SUGCT: variants seen among roughly 807,000 people sequenced by gnomAD.
The protein encoded by SUGCT is succinyl-CoA:glutarate CoA-transferase.
Under a neutral mutation model 55.0 loss-of-function variants are expected in SUGCT, and 41 were observed. The ratio of observed to expected loss-of-function variants is 0.74; its 90% CI spans 0.58 to 0.97. The LOEUF (loss-of-function observed/expected upper bound fraction) is 0.97. Among genes scored for constraint, SUGCT ranks in the 50% least tolerant of loss-of-function variants. The pLI is 0.00. For missense variants in SUGCT, 568 were observed against 547.8 expected (o/e 1.04, Z -0.37); for synonymous variants, 187 against 200.4 (o/e 0.93, Z 0.56).
chr7:40,772,568 TTATC>T (rs1382696440), intron 13 of SUGCT, among the ~76,000 whole-genome samples: 8 of 139,780 alleles, frequency 5.7e-5, no homozygotes, highest in African/African-American at 1.9e-4. Context: ...CTATCTGGTG[TTATC>T]TATCTGCTAT....
At position 40,521,364 on chromosome 7, in the gene SUGCT, C is replaced by A. The variant is rs149403034; in HGVS notation, c.1089+24978C>A. ...TGTGAAGTGCTGGCTCTGCCTTCACCTTTCCACATGATTATAATTTTCCCT... is the reference window on the plus strand; with the variant it reads ...TGTGAAGTGCTGGCTCTGCCTTCACATTTCCACATGATTATAATTTTCCCT... On this transcript the variant is annotated intron_variant, in intron 12 of 13. Coordinates refer to ENST00000335693, the MANE Select transcript of SUGCT (RefSeq NM_001193313.2). Among the ~76,000 whole-genome samples the A allele has an allele frequency of 6.7e-3, 1,018 of 152,228 alleles. 3 individuals are homozygous for A. The highest frequency in any genetic ancestry group is 0.012 in the Non-Finnish European group (799 of 68,006).
intron 3 of SUGCT, among the ~76,000 whole-genome samples, chr7:40,186,333 A>C (rs2150724411): frequency 6.6e-6 from 1 of 150,684 alleles, no homozygotes; most frequent in African/African-American, 2.4e-5. Flanking sequence ...CTCCTGGCTC[A>C]GTGCAGCATT....
At chr7:40,221,270 C>T (rs995711408) in intron 6 of SUGCT, among the ~76,000 whole-genome samples, 1 of 151,186 alleles carries the variant, frequency 6.6e-6, no homozygotes, top group East Asian at 2.0e-4. Flanking sequence ...AAAAATTAGC[C>T]GGGCATGGTG....
chr7:40,827,934 C>T (rs1273454205), intron 13 of SUGCT, among the ~76,000 whole-genome samples: 1 of 152,112 alleles, frequency 6.6e-6, no homozygotes, highest in Non-Finnish European at 1.5e-5. Context: ...AGATGGGTAT[C>T]AGAGTCTTGA....
At chr7:40,166,200 A>G (rs910241819) in intron 1 of SUGCT, among the ~76,000 whole-genome samples, 15 of 152,246 alleles carry the variant, frequency 9.9e-5, no homozygotes, top group African/African-American at 3.6e-4. Context: ...TTTATATACA[A>G]CATTTCATTT....
intron 9 of SUGCT, among the ~76,000 whole-genome samples, chr7:40,382,691 A>C (rs1393249050): frequency 1.3e-5 from 2 of 152,196 alleles, no homozygotes; most frequent in African/African-American, 4.8e-5. Flanking sequence ...CTGACCTAAA[A>C]CAAAAGAGAA....
intron 7 of SUGCT, among the ~76,000 whole-genome samples, chr7:40,266,362 T>G (rs1464239183): frequency 6.6e-6 from 1 of 151,764 alleles, no homozygotes; most frequent in Non-Finnish European, 1.5e-5. Context: ...TTGGTCAGGC[T>G]GGTCTCAAAC....
intron 7 of SUGCT, among the ~76,000 whole-genome samples, chr7:40,245,866 A>G (rs1440244720): frequency 1.3e-5 from 2 of 149,668 alleles, no homozygotes; most frequent in African/African-American, 4.9e-5. Context: ...TACAAACATT[A>G]CAAGTCTTGC....
chr7:40,201,403 A>C (rs961869287), intron 6 of SUGCT, among the ~76,000 whole-genome samples: 3 of 152,230 alleles, frequency 2.0e-5, no homozygotes, highest in Non-Finnish European at 4.4e-5. Context: ...ATAGTTTAAT[A>C]GATGATATTA....
chr7:40,401,636 G>A (rs1786073956), intron 9 of SUGCT, among the ~76,000 whole-genome samples: 1 of 152,166 alleles, frequency 6.6e-6, no homozygotes, highest in Non-Finnish European at 1.5e-5. Context: ...TTAATCTGAA[G>A]AGTGATTAAG....
chr7:40,852,592 C>T (rs1316074242), intron 13 of SUGCT, among the ~76,000 whole-genome samples: 1 of 150,290 alleles, frequency 6.7e-6, no homozygotes, highest in African/African-American at 2.5e-5. Context: ...AAATTACATG[C>T]TAGCCACACT....
intron 7 of SUGCT, among the ~76,000 whole-genome samples, chr7:40,242,800 G>A (rs958928696): frequency 2.0e-5 from 3 of 150,410 alleles, no homozygotes; most frequent in African/African-American, 7.3e-5. Context: ...TCATAGGAAA[G>A]ACCGTGGTCC....
At chr7:40,704,146 C>G (rs191458102) in intron 12 of SUGCT, among the ~76,000 whole-genome samples, 31 of 152,334 alleles carry the variant, frequency 2.0e-4, no homozygotes, top group African/African-American at 6.7e-4. Context: ...GGGAGTTTCC[C>G]ATCACTCTGG....
the SUGCT span, among the ~76,000 whole-genome samples, chr7:40,942,224 T>G: frequency 6.4e-4 from 97 of 152,302 alleles, no homozygotes; most frequent in African/African-American, 2.2e-3. Context: ...AGATTTAGAA[T>G]TCCTTTTAGC....
the SUGCT span, among the ~76,000 whole-genome samples, chr7:40,954,686 G>C: frequency 2.6e-5 from 4 of 152,116 alleles, no homozygotes; most frequent in African/African-American, 9.7e-5. Flanking sequence ...CATTGGTTTT[G>C]GTGTTTGAGT....
chr7:40,616,368 G>T (rs1340202642), intron 12 of SUGCT, among the ~76,000 whole-genome samples: 5 of 151,948 alleles, frequency 3.3e-5, no homozygotes, highest in Admixed American at 3.3e-4. Flanking sequence ...ACTAATTTTT[G>T]TGTTTTTAGT....
intron 1 of SUGCT, among the ~76,000 whole-genome samples, chr7:40,136,341 T>G (rs1436640314): frequency 2.0e-5 from 3 of 152,180 alleles, no homozygotes; most frequent in Non-Finnish European, 4.4e-5. Context: ...CATTAAATCA[T>G]AGCCTAACGG....
At chr7:40,260,846 G>T (rs1372434971) in intron 7 of SUGCT, among the ~76,000 whole-genome samples, 1 of 151,438 alleles carries the variant, frequency 6.6e-6, no homozygotes, top group African/African-American at 2.4e-5. Context: ...GGCCAGGCTG[G>T]TCTTGAACTC....
the SUGCT span, among the ~76,000 whole-genome samples, chr7:41,038,591 G>T: frequency 6.6e-6 from 1 of 152,292 alleles, no homozygotes; most frequent in South Asian, 2.1e-4. Context: ...AAGGTGAGTT[G>T]CCTCCTCATC....
Sources: allele counts gnomAD v4.1 joint callset (sites outside exome capture counted in the v4.1 genomes callset), GRCh38; gene constraint gnomAD v4.1.1; transcripts MANE v1.5; gene names NCBI Gene and HGNC (gene_info 2026-07-23, HGNC 2026-07-21).